Variants in PLCB1 observed in about 807,000 individuals in gnomAD.
PLCB1 encodes phospholipase C beta 1, also known as 1-phosphatidylinositol 4,5-bisphosphate phosphodiesterase beta-1.
Under a neutral mutation model 161.8 loss-of-function variants are expected in PLCB1, and 46 were observed. The observed-to-expected ratio is 0.28, with a 90% CI of 0.22 to 0.36. The LOEUF is 0.36. Among genes scored for constraint, PLCB1 ranks in the 10% least tolerant of loss-of-function variants. The pLI is 1.00. For missense variants in PLCB1, 1,016 were observed against 1,472.5 expected (o/e 0.69, Z 5.07); for synonymous variants, 517 against 503.7 (o/e 1.03, Z -0.35).
chr20:8,533,079 G>C (rs1201994131), intron 3 of PLCB1, among the ~76,000 whole-genome samples: 1 of 139,914 alleles, frequency 7.1e-6, no homozygotes, highest in East Asian at 2.1e-4. Flanking sequence ...TGTTCTCATT[G>C]TTCAATTCCC....
chr20:8,541,557 AGAAAG>A, intron 3 of PLCB1, among the ~76,000 whole-genome samples: 1 of 145,820 alleles, frequency 6.9e-6, no homozygotes, highest in African/African-American at 2.5e-5. Flanking sequence ...AATGAAAGGA[AGAAAG>A]AGAAAGAAAG....
At chr20:8,220,661 G>A (rs1280451405) in intron 2 of PLCB1, among the ~76,000 whole-genome samples, 2 of 152,208 alleles carry the variant, frequency 1.3e-5, no homozygotes, top group Non-Finnish European at 2.9e-5. Flanking sequence ...AGGATTCTTC[G>A]CTGGAGCCTA....
At chr20:8,767,502 C>T (rs1050747244) in intron 26 of PLCB1, among the ~76,000 whole-genome samples, 6 of 152,144 alleles carry the variant, frequency 3.9e-5, no homozygotes, top group African/African-American at 1.4e-4. Context: ...ATTCTCTGGG[C>T]TCAGGGCCCT....
intron 2 of PLCB1, among the ~76,000 whole-genome samples, chr20:8,333,133 C>T (rs1399267154): frequency 6.6e-6 from 1 of 152,146 alleles, no homozygotes; most frequent in Non-Finnish European, 1.5e-5. Context: ...CATCCTTTCC[C>T]CAGTCCCTGA....
chr20:8,724,867 T>C (rs1185270148), intron 16 of PLCB1, 115 bp downstream of exon 16: 10 of 626,600 alleles, frequency 1.6e-5, no homozygotes, highest in Non-Finnish European at 2.8e-5. Context: ...GCTTTTGAAG[T>C]CTTAAATATA....
chr20:8,658,789 C>G (rs1207395932), intron 9 of PLCB1, 85 bp downstream of exon 9: 5 of 1,146,190 alleles, frequency 4.4e-6, no homozygotes, highest in Non-Finnish European at 1.2e-6. Context: ...CACCAGTGAT[C>G]GTTAGGTTAG....
At chr20:8,734,174 A>G (rs1406043846) in intron 19 of PLCB1, among the ~76,000 whole-genome samples, 1 of 146,704 alleles carries the variant, frequency 6.8e-6, no homozygotes, top group African/African-American at 2.5e-5. Flanking sequence ...TTCATAGGCC[A>G]CATGAATAAG....
chr20:8,262,292 T>C (rs960182907), intron 2 of PLCB1, among the ~76,000 whole-genome samples: 3 of 152,054 alleles, frequency 2.0e-5, no homozygotes, highest in African/African-American at 7.2e-5. Context: ...GGTTTCACCA[T>C]GTTGGTCAGG....
chr20:8,222,689 G>A (rs1445594622), intron 2 of PLCB1, among the ~76,000 whole-genome samples: 1 of 151,904 alleles, frequency 6.6e-6, no homozygotes, highest in Non-Finnish European at 1.5e-5. Context: ...CTTCTTTTGG[G>A]ACTCCAATTA....
intron 9 of PLCB1, 33 bp downstream of exon 9, chr20:8,658,737 C>T (rs1293499264): frequency 6.4e-7 from 1 of 1,556,242 alleles, no homozygotes; most frequent in Non-Finnish European, 8.7e-7. Flanking sequence ...AAGGGAAGCT[C>T]TTGTTTCTGA....
At chr20:8,348,891 GA>G (rs1986084491) in intron 2 of PLCB1, among the ~76,000 whole-genome samples, 1 of 152,072 alleles carries the variant, frequency 6.6e-6, no homozygotes, top group Admixed American at 6.6e-5. Context: ...ATAATTGATT[GA>G]ATACAGATTG....
intron 27 of PLCB1, among the ~76,000 whole-genome samples, chr20:8,788,211 G>A (rs45533834): frequency 6.6e-6 from 1 of 152,100 alleles, no homozygotes; most frequent in Admixed American, 6.5e-5. Flanking sequence ...ACAATCTAAT[G>A]AATTCTGTTT....
intron 3 of PLCB1, among the ~76,000 whole-genome samples, chr20:8,420,462 GT>G (rs1378125953): frequency 1.3e-5 from 2 of 152,138 alleles, no homozygotes; most frequent in Non-Finnish European, 2.9e-5. Flanking sequence ...TGACGTTTAG[GT>G]TTCTAATAAT....
chr20:8,634,345 C>A (rs1390731969), intron 4 of PLCB1, among the ~76,000 whole-genome samples: 1 of 152,144 alleles, frequency 6.6e-6, no homozygotes, highest in Non-Finnish European at 1.5e-5. Flanking sequence ...TTAGATTCTT[C>A]CCCCTCTGTA....
At chr20:8,296,348 G>A (rs1188298136) in intron 2 of PLCB1, among the ~76,000 whole-genome samples, 1 of 152,130 alleles carries the variant, frequency 6.6e-6, no homozygotes, top group Non-Finnish European at 1.5e-5. Context: ...GAATCATACA[G>A]ATTAATAGAG....
At chr20:8,269,192 G>A (rs779568961) in intron 2 of PLCB1, among the ~76,000 whole-genome samples, 2 of 151,966 alleles carry the variant, frequency 1.3e-5, no homozygotes, top group Admixed American at 6.6e-5. Context: ...CCATCAACCC[G>A]TCATCTATAT....
chr20:8,505,621 A>G (rs1414096117), intron 3 of PLCB1, among the ~76,000 whole-genome samples: 1 of 152,192 alleles, frequency 6.6e-6, no homozygotes, highest in Non-Finnish European at 1.5e-5. Context: ...TCCATGAAAT[A>G]TGTTCTGTTT....
intron 3 of PLCB1, among the ~76,000 whole-genome samples, chr20:8,577,026 A>G (rs1167097470): frequency 3.3e-5 from 5 of 152,210 alleles, no homozygotes; most frequent in African/African-American, 1.2e-4. Flanking sequence ...GAGAACCTCA[A>G]GAGAAGAGCA....
At chr20:8,266,117 C>T (rs1328134020) in intron 2 of PLCB1, among the ~76,000 whole-genome samples, 2 of 152,122 alleles carry the variant, frequency 1.3e-5, no homozygotes, top group African/African-American at 2.4e-5. Flanking sequence ...AGTTGTGTAT[C>T]GATTAACCAT....
Sources: gnomAD v4.1 joint callset for allele counts (sites outside exome capture counted in the v4.1 genomes callset) on GRCh38, gnomAD v4.1.1 for gene constraint, MANE v1.5 for transcripts, NCBI Gene and HGNC (gene_info 2026-07-23, HGNC 2026-07-21) for gene names.